Variants in OR5AS1 observed in about 807,000 individuals in gnomAD.
The protein encoded by OR5AS1 is olfactory receptor family 5 subfamily AS member 1.
For missense variants in OR5AS1, 492 were observed against 378.2 expected (o/e 1.30, Z -2.50); for synonymous variants, 196 against 141.7 (o/e 1.38, Z -2.72).
In OR5AS1 at chr11:56,035,541, G is replaced by C. The variant is rs1853395717; in HGVS notation, c.*4148G>C. The C allele has an allele frequency of 6.6e-6, 1 of 151,662 alleles. No homozygotes were observed. The highest frequency in any genetic ancestry group is 2.1e-4 in the South Asian group (1 of 4,810). 9.4% of individuals were successfully genotyped at this position (151,662 alleles called of 1,614,324 possible). A position where few individuals can be genotyped will look rare whatever the true frequency, so the allele number is the denominator to read the frequency against. ...ACCAAAAAAGATCAAAAGAGATAAA[G>C]AAGGCAATACATAATGGTAAAAGGA... On this transcript the variant is annotated 3_prime_UTR_variant, in exon 2 of 2. Coordinates refer to ENST00000641320, the MANE Select transcript of OR5AS1 (RefSeq NM_001001921.2).
rs1362606487 is a variant in OR5AS1 at position 56,031,296 on chromosome 11, G to A, written c.878G>A (p.Arg293Lys). 4 of 1,609,666 alleles carry A rather than the reference G, an allele frequency of 2.5e-6. No individual in the cohort carries two copies. The highest frequency in any genetic ancestry group is 3.4e-6 in the Non-Finnish European group (4 of 1,178,208). The change falls in exon 2 of 2, where the codon AGA (arginine) becomes AAA (lysine). Residue 293 changes from arginine to lysine, a missense_variant. Transcript: ENST00000641320. ...PMFNPIIYSF[R>K]NKDVKNALKK... is the part of the protein sequence containing the mutation. ...TTTAATCCAATAATTTATAGTTTCA[G>A]AAACAAGGATGTGAAAAATGCTCTC...
In OR5AS1 at chr11:56,037,180, G is replaced by T. The variant is rs745787085; in HGVS notation, c.*5787G>T. ...CATACTGAATGGGCAAAAACTGGAC[G>T]CATTCCCTTTGAAAACCGGCACAAA... On this transcript the variant is annotated 3_prime_UTR_variant, in exon 2 of 2. Coordinates refer to ENST00000641320, the MANE Select transcript of OR5AS1 (RefSeq NM_001001921.2). 6.6e-6 allele frequency: 1 copy of T among 152,058 alleles called. No individual in the cohort carries two copies. Among genetic ancestry groups the T allele is most frequent in the Admixed American group, 6.5e-5 (1 of 15,278 alleles). 9.4% of individuals were successfully genotyped at this position (152,058 alleles called of 1,614,324 possible).
intron 1 of OR5AS1, among the ~76,000 whole-genome samples, chr11:56,030,062 A>T (rs1394118708): frequency 6.6e-6 from 1 of 152,106 alleles, no homozygotes; most frequent in Non-Finnish European, 1.5e-5. Flanking sequence ...AGATTTTGCC[A>T]ACTCTCATTA....
intron 1 of OR5AS1, among the ~76,000 whole-genome samples, chr11:56,029,243 G>A (rs1482010): frequency 0.98 from 148,528 of 152,126 alleles, 72,644 homozygotes; most frequent in East Asian, 1. Context: ...AAATGATCTA[G>A]CTTCCTGCTT....
Position 56,031,809 on chromosome 11 carries a change from G to A in OR5AS1, c.*416G>A, listed in dbSNP as rs2134694429. ...TGTGTTTAGGCCATTTATGCATAGA[G>A]TTCCATTATTGGAACACTAAGCATC... On this transcript the variant is annotated 3_prime_UTR_variant, in exon 2 of 2. Transcript: ENST00000641320. 1 of 155,382 alleles carries A rather than the reference G, an allele frequency of 6.4e-6. No homozygotes were observed. Among genetic ancestry groups the A allele is most frequent in the Middle Eastern group, 3.4e-3 (1 of 296 alleles). The allele number at this position is 155,382 out of a possible 1,614,324, so 9.6% of individuals were successfully genotyped here. A position where few individuals can be genotyped will look rare whatever the true frequency, so the allele number is the denominator to read the frequency against.
rs1853377149 is a variant in OR5AS1 at position 56,033,865 on chromosome 11, A to G, written c.*2472A>G. 6.6e-6 allele frequency: 1 copy of G among 152,222 alleles called. No homozygotes were observed. The highest frequency in any genetic ancestry group is 1.5e-5 in the Non-Finnish European group (1 of 68,134). The allele number at this position is 152,222 out of a possible 1,614,324, so 9.4% of individuals were successfully genotyped here. On this transcript the variant is annotated 3_prime_UTR_variant, in exon 2 of 2. Transcript: ENST00000641320. ...TCCAGTAGGGGTTGACAGATACCTC[A>G]TAGGAGAGAGCTCCAGCTGGCATCT...
rs527855375 is a variant in OR5AS1, at chr11:56,036,394, T to C, written c.*5001T>C. The C allele has an allele frequency of 6.6e-6, 1 of 151,752 alleles. No individual in the cohort carries two copies. Among genetic ancestry groups the C allele is most frequent in the Non-Finnish European group, 1.5e-5 (1 of 67,966 alleles). 9.4% of individuals were successfully genotyped at this position (151,752 alleles called of 1,614,324 possible). A position where few individuals can be genotyped will look rare whatever the true frequency, so the allele number is the denominator to read the frequency against. On this transcript the variant is annotated 3_prime_UTR_variant, in exon 2 of 2. Transcript: ENST00000641320. ...ATAGAAAGAACACTAGCCAGACTAA[T>C]AAAGAAGAAAAGAGAGAAGAATCAA...
At chr11:56,029,204 G>A (rs1300672422) in intron 1 of OR5AS1, among the ~76,000 whole-genome samples, 1 of 151,948 alleles carries the variant, frequency 6.6e-6, no homozygotes, top group Non-Finnish European at 1.5e-5. Flanking sequence ...TACTCACTAC[G>A]TTACTCACCA....
In OR5AS1 at chr11:56,030,717, A is replaced by G. The variant is rs749959041; in HGVS notation, c.299A>G (p.Gln100Arg). 4.3e-6 allele frequency: 7 copies of G among 1,611,476 alleles called. No homozygotes were observed. Among genetic ancestry groups the G allele is most frequent in the Non-Finnish European group, 5.9e-6 (7 of 1,178,246 alleles). ...KSISPYGCAL[Q>R]MFFFASFADA... The stretch of plus-strand genomic sequence containing the variant: ...ATCTCTCCTTATGGGTGTGCACTAC[A>G]AATGTTTTTCTTCGCTTCTTTTGCT... The change falls in exon 2 of 2, where the codon CAA (glutamine) becomes CGA (arginine). Residue 100 changes from glutamine to arginine, a missense_variant. Gln to Arg is a conservative substitution (Grantham distance 43). Coordinates refer to ENST00000641320, the MANE Select transcript of OR5AS1 (RefSeq NM_001001921.2).
Position 56,029,250 on chromosome 11 carries a change from G to A in OR5AS1, c.-28-1141G>A, listed in dbSNP as rs143405651. ...TCACTTCCAAATGATCTAGCTTCCT[G>A]CTTAATATTCCATTCGCATTGTATT... On this transcript the variant is annotated intron_variant, in intron 1 of 1. Coordinates refer to ENST00000641320, the MANE Select transcript of OR5AS1 (RefSeq NM_001001921.2). 5.9e-4 allele frequency among the ~76,000 whole-genome samples: 89 copies of A among 152,072 alleles called. 2 individuals carry two copies. The highest frequency in any genetic ancestry group is 3.4e-3 in the Middle Eastern group (1 of 294).
In OR5AS1 at chr11:56,037,496, A is replaced by C. The variant is rs533407174; in HGVS notation, c.*6103A>C. 14 of 152,060 alleles carry C rather than the reference A, an allele frequency of 9.2e-5. No homozygotes were observed. Among genetic ancestry groups the C allele is most frequent in the Non-Finnish European group, 2.1e-4 (14 of 68,022 alleles). The allele number at this position is 152,060 out of a possible 1,614,324, so 9.4% of individuals were successfully genotyped here. A position where few individuals can be genotyped will look rare whatever the true frequency, so the allele number is the denominator to read the frequency against. On this transcript the variant is annotated 3_prime_UTR_variant, in exon 2 of 2. Coordinates refer to ENST00000641320, the MANE Select transcript of OR5AS1 (RefSeq NM_001001921.2). ...AGACAAACAGAGCCAAATCGAATGA[A>C]CTGCCATTCACAATTGCTACAAAAG...
At position 56,031,265 on chromosome 11, in the gene OR5AS1, C is replaced by A; in HGVS notation, c.847C>A (p.Pro283Thr). ...GGCAGTGTTTTATACTGTTGTATTT[C>A]CCATGTTTAATCCAATAATTTATAG... ...VVAVFYTVVF[P>T]MFNPIIYSFR... The change falls in exon 2 of 2, where the codon CCC becomes ACC. Residue 283 changes from proline (P) to threonine (T), a missense_variant. Physicochemically the swap from Pro to Thr is conservative, Grantham distance 38. Coordinates refer to ENST00000641320, the MANE Select transcript of OR5AS1 (RefSeq NM_001001921.2). The A allele has an allele frequency of 6.2e-7, 1 of 1,613,366 alleles. No individual in the cohort carries two copies. Among genetic ancestry groups the A allele is most frequent in the East Asian group, 2.2e-5 (1 of 44,858 alleles).
chr11:56,031,037 C>T lies in OR5AS1; in HGVS notation c.619C>T (p.Gln207Ter). 6.2e-7 allele frequency: 1 copy of T among 1,614,146 alleles called. No homozygotes were observed. Among genetic ancestry groups the T allele is most frequent in the Non-Finnish European group, 8.5e-7 (1 of 1,180,012 alleles). Residue 207 changes from glutamine (Q) to a stop codon, truncating the protein, a stop_gained, in exon 2 of 2, where the codon CAG (glutamine) becomes TAG (stop). Coordinates refer to ENST00000641320, the MANE Select transcript of OR5AS1 (RefSeq NM_001001921.2). LOFTEE classifies it low-confidence loss of function (END_TRUNC). ...GCTCTTTGCTTTGTGCAGCTTCATC[C>T]AGACCAGCACTTTTGTGGTAATATT... ...LLLFALCSFI[Q>*]TSTFVVIFIS...
At position 56,031,041 on chromosome 11, in the gene OR5AS1, C is replaced by G. The variant is rs573529944; in HGVS notation, c.623C>G (p.Thr208Ser). ...LLFALCSFIQ[T>S]STFVVIFISY... ...TTTGCTTTGTGCAGCTTCATCCAGA[C>G]CAGCACTTTTGTGGTAATATTTATT... is the stretch of plus-strand genomic sequence containing the variant. Residue 208 changes from threonine (T) to serine (S), a missense_variant, in exon 2 of 2, where the codon ACC becomes AGC. Coordinates refer to ENST00000641320, the MANE Select transcript of OR5AS1 (RefSeq NM_001001921.2). The G allele has an allele frequency of 6.2e-7, 1 of 1,614,138 alleles. No individual in the cohort carries two copies. Among genetic ancestry groups the G allele is most frequent in the Non-Finnish European group, 8.5e-7 (1 of 1,180,004 alleles).
At chr11:56,028,266 C>T (rs1410240793) in intron 1 of OR5AS1, among the ~76,000 whole-genome samples, 1 of 151,900 alleles carries the variant, frequency 6.6e-6, no homozygotes, top group Non-Finnish European at 1.5e-5. Context: ...CTAGTTCAAT[C>T]TTGATTTCAG....
At position 56,033,810 on chromosome 11, in the gene OR5AS1, G is replaced by A. The variant is rs61889985; in HGVS notation, c.*2417G>A. ...AGACTCCTGCATCAAGTGGGTCCTT[G>A]ACCCCGTGACTCTTGACTGGGAGAC... On this transcript the variant is annotated 3_prime_UTR_variant, in exon 2 of 2. Coordinates refer to ENST00000641320, the MANE Select transcript of OR5AS1 (RefSeq NM_001001921.2). 0.06 allele frequency: 9,174 copies of A among 152,290 alleles called. 382 individuals are homozygous for A. Among genetic ancestry groups the A allele is most frequent in the Non-Finnish European group, 0.084 (5,736 of 68,116 alleles). 9.4% of individuals were successfully genotyped at this position (152,290 alleles called of 1,614,324 possible). A position where few individuals can be genotyped will look rare whatever the true frequency, so the allele number is the denominator to read the frequency against.
Position 56,031,230 on chromosome 11 carries a change from A to G in OR5AS1, c.812A>G (p.Asp271Gly), listed in dbSNP as rs1853347693. The change falls in exon 2 of 2, where the codon GAT becomes GGT. Residue 271 changes from aspartate (D) to glycine (G), a missense_variant. Transcript: ENST00000641320. ...ACCACTAGCTATTCCCTAGACACTG[A>G]TAAGGTGGTGGCAGTGTTTTATACT... is the stretch of plus-strand genomic sequence containing the variant. ...QPTTSYSLDTDKVVAVFYTVV... is the reference protein window; with the variant it reads ...QPTTSYSLDTGKVVAVFYTVV... 3.1e-6 allele frequency: 5 copies of G among 1,613,630 alleles called. No individual in the cohort carries two copies. The highest frequency in any genetic ancestry group is 4.2e-6 in the Non-Finnish European group (5 of 1,179,680).
At position 56,031,045 on chromosome 11, in the gene OR5AS1, C is replaced by A. The variant is rs756262132; in HGVS notation, c.627C>A (p.Ser209Arg). 1 of 1,614,116 alleles carries A rather than the reference C, an allele frequency of 6.2e-7. No homozygotes were observed. The highest frequency in any genetic ancestry group is 8.5e-7 in the Non-Finnish European group (1 of 1,179,994). Reference sequence around the variant, plus strand: ...CTTTGTGCAGCTTCATCCAGACCAGCACTTTTGTGGTAATATTTATTTCTT... The same window carrying A: ...CTTTGTGCAGCTTCATCCAGACCAGAACTTTTGTGGTAATATTTATTTCTT... ...LFALCSFIQT[S>R]TFVVIFISYF... The change falls in exon 2 of 2, where the codon AGC (serine) becomes AGA (arginine). Residue 209 changes from serine to arginine, a missense_variant. Physicochemically the swap from Ser to Arg is moderately radical, Grantham distance 110. Coordinates refer to ENST00000641320, the MANE Select transcript of OR5AS1 (RefSeq NM_001001921.2).
chr11:56,031,269 T>G lies in OR5AS1; in HGVS notation c.851T>G (p.Met284Arg). ...VAVFYTVVFPMFNPIIYSFRN... is the reference protein window; with the variant it reads ...VAVFYTVVFPRFNPIIYSFRN... Reference sequence around the variant, plus strand: ...GTGTTTTATACTGTTGTATTTCCCATGTTTAATCCAATAATTTATAGTTTC... The same window carrying G: ...GTGTTTTATACTGTTGTATTTCCCAGGTTTAATCCAATAATTTATAGTTTC... The change falls in exon 2 of 2, where the codon ATG becomes AGG. Residue 284 changes from methionine to arginine, a missense_variant. Transcript: ENST00000641320. The G allele has an allele frequency of 6.2e-7, 1 of 1,613,524 alleles. No homozygotes were observed. Among genetic ancestry groups the G allele is most frequent in the Non-Finnish European group, 8.5e-7 (1 of 1,179,740 alleles).
Sources: gnomAD v4.1 joint callset for allele counts (sites outside exome capture counted in the v4.1 genomes callset) on GRCh38, gnomAD v4.1.1 for gene constraint, MANE v1.5 for transcripts, NCBI Gene and HGNC (gene_info 2026-07-23, HGNC 2026-07-21) for gene names.